Variants in PPP5C observed in about 807,000 individuals in gnomAD.
PPP5C encodes the protein serine/threonine-protein phosphatase 5.
A neutral mutation model predicts 66.7 loss-of-function variants in PPP5C; 21 were observed. The observed-to-expected ratio is 0.31, with a 90% CI of 0.22 to 0.45. The LOEUF is 0.45. Among genes scored for constraint, PPP5C ranks in the 20% least tolerant of loss-of-function variants. PPP5C has a pLI of 1.00. For synonymous variants in PPP5C, 246 were observed against 257.4 expected (o/e 0.96, Z 0.43); for missense variants, 464 against 675.9 (o/e 0.69, Z 3.48).
chr19:46,389,169 C>T (rs1972946128), intron 11 of PPP5C, among the ~76,000 whole-genome samples: 1 of 151,912 alleles, frequency 6.6e-6, no homozygotes, highest in South Asian at 2.1e-4. Flanking sequence ...ACTAAAAATA[C>T]AAAAATTAGC....
At chr19:46,375,472 G>T (rs1286079950) in intron 2 of PPP5C, 132 bp from the exon 3 acceptor site, 1 of 1,363,064 alleles carries the variant, frequency 7.3e-7, no homozygotes, top group Non-Finnish European at 9.9e-7. Flanking sequence ...TACGTCTAGG[G>T]TTGCACCATC....
At chr19:46,385,548 GGC>G (rs1397439235) in intron 7 of PPP5C, among the ~76,000 whole-genome samples, 3 of 152,326 alleles carry the variant, frequency 2.0e-5, no homozygotes, top group African/African-American at 7.2e-5. Context: ...GGGAGGCCAA[GGC>G]AGGTGGATCA....
At position 46,388,948 on chromosome 19, in the gene PPP5C, C is replaced by T. The variant is rs1033954648; in HGVS notation, c.1355+217C>T. ...GCCCTGTGTTACAGCAAGCCCCTGG[C>T]ACTTCACCTTTCTCCCACTGATTGC... On this transcript the variant is annotated intron_variant, in intron 11 of 12. Transcript: ENST00000012443. This position sits in a 1 kb window ranked among gnomAD's most constrained non-coding sequence, Gnocchi z 4.9. Among the ~76,000 whole-genome samples the T allele has an allele frequency of 6.6e-6, 1 of 152,198 alleles. No individual in the cohort carries two copies. Among genetic ancestry groups the T allele is most frequent in the African/African-American group, 2.4e-5 (1 of 41,448 alleles).
Position 46,376,430 on chromosome 19 carries a change from G to T in PPP5C, c.512-23G>T. The T allele has an allele frequency of 6.2e-7, 1 of 1,610,916 alleles. No homozygotes were observed. Among genetic ancestry groups the T allele is most frequent in the Non-Finnish European group, 8.5e-7 (1 of 1,178,106 alleles). On this transcript the variant is annotated intron_variant, in intron 3 of 12. Transcript: ENST00000012443. This position sits in a 1 kb window ranked among gnomAD's most constrained non-coding sequence, Gnocchi z 5.1. ...ATAGTGGCTGTGGTCACTGACTCTC[G>T]TGTCCCGTTGTTCACACCCTAGCCA...
In PPP5C at chr19:46,376,571, C is replaced by G. The variant is rs1972699862; in HGVS notation, c.630C>G (p.Tyr210Ter). 6.2e-7 allele frequency: 1 copy of G among 1,613,364 alleles called. No homozygotes were observed. ...AGAAACTGCACCGGAAATGTGCCTA[C>G]CAGGTAATGCATCTGTCAGGTACTG... The part of the protein sequence containing the change: ...DQKKLHRKCA[Y>*]QILVQVKEVL... Residue 210 changes from tyrosine to a stop codon, truncating the protein, a stop_gained, in exon 4 of 13, where the codon TAC (tyrosine) becomes TAG (stop). Transcript: ENST00000012443. LOFTEE classifies it high-confidence loss of function. This position sits in a 1 kb window ranked among gnomAD's most constrained non-coding sequence, Gnocchi z 5.1.
At position 46,354,075 on chromosome 19, in the gene PPP5C, T is replaced by C. The variant is rs1349866667; in HGVS notation, c.363+86T>C. On this transcript the variant is annotated intron_variant, in intron 2 of 12. Transcript: ENST00000012443. Reference sequence around the variant, plus strand: ...GGCGGGGACGGGTGTGAGGAGCCATTCACTCCTCTACTTACCACTCAGCCA... The same window carrying C: ...GGCGGGGACGGGTGTGAGGAGCCATCCACTCCTCTACTTACCACTCAGCCA... 2.0e-6 allele frequency: 3 copies of C among 1,522,614 alleles called. No homozygotes were observed. The African/African-American group carries it at 4.1e-5, about 21-fold the overall frequency. 94.3% of individuals were successfully genotyped at this position (1,522,614 alleles called of 1,614,324 possible). A position where few individuals can be genotyped will look rare whatever the true frequency, so the allele number is the denominator to read the frequency against.
chr19:46,389,970 C>A (rs1295208915), intron 11 of PPP5C, 81 bp from the exon 12 acceptor site: 1 of 1,306,694 alleles, frequency 7.7e-7, no homozygotes, highest in South Asian at 1.2e-5. Flanking sequence ...TCTGTCCCTT[C>A]TTGCCCAGCC....
At chr19:46,370,119 A>T (rs1161303316) in intron 2 of PPP5C, among the ~76,000 whole-genome samples, 1 of 152,080 alleles carries the variant, frequency 6.6e-6, no homozygotes, top group Non-Finnish European at 1.5e-5. Flanking sequence ...ATTTATTTTT[A>T]AAAGTTTTTG....
chr19:46,354,132 G>T, intron 2 of PPP5C, 143 bp downstream of exon 2: 1 of 1,273,608 alleles, frequency 7.9e-7, no homozygotes, highest in Middle Eastern at 2.7e-4. Context: ...CTTGGGCCCA[G>T]GCCAGAGTAC....
rs1306893178 is a variant in PPP5C at position 46,390,637 on chromosome 19, G to A, written c.*291G>A. 2 of 1,293,888 alleles carry A rather than the reference G, an allele frequency of 1.5e-6. No individual in the cohort carries two copies. The highest frequency in any genetic ancestry group is 7.0e-5 in the East Asian group (2 of 28,776). The allele number at this position is 1,293,888 out of a possible 1,614,324, so 80.2% of individuals were successfully genotyped here. ...TCCTCGGGGTGGGGTGGGGCCGAGT[G>A]GCTGCCCTGCCCCCCTCATTTGCAT... On this transcript the variant is annotated 3_prime_UTR_variant, in exon 13 of 13. Transcript: ENST00000012443.
chr19:46,348,820 G>T (rs1035011435), intron 1 of PPP5C, among the ~76,000 whole-genome samples: 1 of 152,174 alleles, frequency 6.6e-6, no homozygotes, highest in Non-Finnish European at 1.5e-5. Context: ...CGGGAAGGCT[G>T]AGAGAAGGGA....
intron 2 of PPP5C, among the ~76,000 whole-genome samples, chr19:46,373,230 G>A (rs1972626586): frequency 6.6e-6 from 1 of 152,254 alleles, no homozygotes; most frequent in African/African-American, 2.4e-5. Flanking sequence ...GCAGGGAGGG[G>A]AGGTGGTGGA....
chr19:46,366,623 C>T lies in PPP5C; in HGVS notation c.364-8981C>T, dbSNP rs1333282565. ...GTGCCAGGATTACAGGTGTGAGGCACCATGCATGGCCTGCTTGAGCTTTTA... is the reference window on the plus strand; with the variant it reads ...GTGCCAGGATTACAGGTGTGAGGCATCATGCATGGCCTGCTTGAGCTTTTA... On this transcript the variant is annotated intron_variant, in intron 2 of 12. Coordinates refer to ENST00000012443, the MANE Select transcript of PPP5C (RefSeq NM_006247.4). Among the ~76,000 whole-genome samples the T allele has an allele frequency of 2.0e-5, 3 of 152,100 alleles. No homozygotes were observed. In the East Asian group the frequency reaches 5.8e-4, roughly 29 times the overall value.
chr19:46,372,950 C>T (rs941899095), intron 2 of PPP5C, among the ~76,000 whole-genome samples: 1 of 152,232 alleles, frequency 6.6e-6, no homozygotes, highest in African/African-American at 2.4e-5. Flanking sequence ...CTAGACCTTG[C>T]GTGTCGCAGC....
rs1177889408 is a variant in PPP5C at position 46,383,497 on chromosome 19, C to T, written c.699+21C>T. 6.0e-6 allele frequency: 7 copies of T among 1,158,684 alleles called. No individual in the cohort carries two copies. The highest frequency in any genetic ancestry group is 5.0e-6 in the Non-Finnish European group (4 of 802,940). The allele number at this position is 1,158,684 out of a possible 1,614,324, so 71.8% of individuals were successfully genotyped here. On this transcript the variant is annotated intron_variant, in intron 5 of 12. Coordinates refer to ENST00000012443, the MANE Select transcript of PPP5C (RefSeq NM_006247.4). The surrounding 1 kb of genome is among the most constrained non-coding windows in gnomAD (Gnocchi z 5.0). ...AAGAGGTGCGCGTTGTGGGGCAGTG[C>T]GGGGAGGGCCAGCGGGGGTGGGCTC...
chr19:46,386,851 G>C, intron 7 of PPP5C: 2 of 585,670 alleles, frequency 3.4e-6, no homozygotes, highest in South Asian at 4.0e-5. Flanking sequence ...GGCTCAAGCA[G>C]TTCTGCCTTG....
At chr19:46,356,428 C>T (rs760046964) in intron 2 of PPP5C, among the ~76,000 whole-genome samples, 7 of 152,228 alleles carry the variant, frequency 4.6e-5, no homozygotes, top group Non-Finnish European at 1.0e-4. Context: ...ACCAGAAGCT[C>T]GCCAGGGAAG....
In PPP5C at chr19:46,347,093, C is replaced by T; in HGVS notation, c.-4C>T. Reference sequence around the variant, plus strand: ...CGTTGCCAGGGTAGGGGTCGCTTTGCGGCATGGCGATGGCGGAGGGCGAGA... The same window carrying T: ...CGTTGCCAGGGTAGGGGTCGCTTTGTGGCATGGCGATGGCGGAGGGCGAGA... On this transcript the variant is annotated 5_prime_UTR_variant, in exon 1 of 13. Coordinates refer to ENST00000012443, the MANE Select transcript of PPP5C (RefSeq NM_006247.4). 6.3e-7 allele frequency: 1 copy of T among 1,598,114 alleles called. No individual in the cohort carries two copies.
chr19:46,373,268 G>A lies in PPP5C; in HGVS notation c.364-2336G>A, dbSNP rs1371030153. ...GGGAGCCCATCCCAGCGTGCATAGC[G>A]GAAATCAGGAGCCTGGGCTTTGGCG... is the stretch of plus-strand genomic sequence containing the variant. On this transcript the variant is annotated intron_variant, in intron 2 of 12. Coordinates refer to ENST00000012443, the MANE Select transcript of PPP5C (RefSeq NM_006247.4). 2.6e-5 allele frequency among the ~76,000 whole-genome samples: 4 copies of A among 152,230 alleles called. No homozygotes were observed. In the South Asian group the frequency reaches 6.2e-4, roughly 24 times the overall value.
Sources: gnomAD v4.1 joint callset for allele counts (sites outside exome capture counted in the v4.1 genomes callset) on GRCh38, gnomAD v4.1.1 for gene constraint, Gnocchi (gnomAD v3.1) non-coding constraint, MANE v1.5 for transcripts, NCBI Gene and HGNC (gene_info 2026-07-23, HGNC 2026-07-21) for gene names.